Variants in THSD7B observed in about 807,000 individuals in gnomAD.
THSD7B encodes the protein thrombospondin type 1 domain containing 7B.
Under a neutral mutation model 213.6 loss-of-function variants are expected in THSD7B, and 138 were observed. The observed-to-expected ratio is 0.65, with a 90% CI of 0.56 to 0.74. The LOEUF (loss-of-function observed/expected upper bound fraction) is 0.74. THSD7B is among the 30% of genes least tolerant of loss of function. The probability of loss-of-function intolerance (pLI) is 0.00; values close to 1 mark genes in which losing one functional copy is unlikely to be tolerated. For synonymous variants in THSD7B, 742 were observed against 687.0 expected, an observed-to-expected ratio of 1.08 and a Z score of -1.25; for missense variants, 1,931 against 1,991.5, an observed-to-expected ratio of 0.97 and a Z score of 0.58.
intron 8 of THSD7B, among the ~76,000 whole-genome samples, chr2:137,232,378 G>C (rs1387142553): frequency 6.6e-6 from 1 of 152,048 alleles, no homozygotes; most frequent in Non-Finnish European, 1.5e-5. Flanking sequence ...GATATTTCTG[G>C]ATTTCTCAAA....
At chr2:136,979,223 A>ATT (rs35436994) in intron 2 of THSD7B, among the ~76,000 whole-genome samples, 2 of 144,088 alleles carry the variant, frequency 1.4e-5, no homozygotes, top group African/African-American at 5.1e-5. Flanking sequence ...TGCCCTTAAC[A>ATT]TTTTTTTTTT....
chr2:137,111,734 G>A (rs1174870541), intron 4 of THSD7B, among the ~76,000 whole-genome samples: 1 of 152,136 alleles, frequency 6.6e-6, no homozygotes, highest in East Asian at 1.9e-4. Context: ...TGTTTAGCCA[G>A]ACACTTTGAA....
chr2:136,991,026 A>T (rs1685771578), intron 2 of THSD7B: 1 of 1,059,596 alleles, frequency 9.4e-7, no homozygotes, highest in African/African-American at 1.7e-5. Flanking sequence ...TCCCCAAAAA[A>T]GGAGAAAGAA....
At chr2:137,249,553 T>C (rs148863816) in intron 10 of THSD7B, among the ~76,000 whole-genome samples, 97 of 152,354 alleles carry the variant, frequency 6.4e-4, no homozygotes, top group African/African-American at 2.3e-3. Flanking sequence ...TAGAGATTGA[T>C]GTATATTTAG....
chr2:136,880,697 G>A (rs543071849), intron 1 of THSD7B, among the ~76,000 whole-genome samples: 8 of 152,028 alleles, frequency 5.3e-5, no homozygotes, highest in East Asian at 3.9e-4. Context: ...TAACCAGATC[G>A]TTTAAATCCA....
At chr2:137,473,777 A>G (rs924772412) in intron 15 of THSD7B, among the ~76,000 whole-genome samples, 4 of 152,202 alleles carry the variant, frequency 2.6e-5, no homozygotes, top group African/African-American at 7.2e-5. Context: ...TTAAAAAGCA[A>G]AGACATCTGC....
chr2:137,092,895 C>T (rs1175643597), intron 3 of THSD7B, among the ~76,000 whole-genome samples: 1 of 152,218 alleles, frequency 6.6e-6, no homozygotes, highest in East Asian at 1.9e-4. Flanking sequence ...GCCTTGGCCT[C>T]CCAAAGTGTT....
chr2:137,151,635 C>T (rs1296821221), intron 5 of THSD7B, among the ~76,000 whole-genome samples: 1 of 151,996 alleles, frequency 6.6e-6, no homozygotes, highest in Non-Finnish European at 1.5e-5. Flanking sequence ...AGAAGGAGTA[C>T]ACTCTAACAA....
At chr2:137,014,620 G>T (rs1393235955) in intron 2 of THSD7B, among the ~76,000 whole-genome samples, 1 of 152,210 alleles carries the variant, frequency 6.6e-6, no homozygotes, top group African/African-American at 2.4e-5. Context: ...TTAGTCAGGA[G>T]CCCCAATTCA....
At chr2:137,099,566 C>A (rs151118043) in intron 4 of THSD7B, among the ~76,000 whole-genome samples, 8 of 152,296 alleles carry the variant, frequency 5.3e-5, no homozygotes, top group African/African-American at 1.9e-4. Context: ...AAAACATCAG[C>A]TGCAAACATC....
intron 1 of THSD7B, among the ~76,000 whole-genome samples, chr2:136,782,023 G>A (rs544701621): frequency 2.6e-5 from 4 of 152,302 alleles, no homozygotes; most frequent in African/African-American, 4.8e-5. Flanking sequence ...ATAGTGACAC[G>A]TAAAATAAAA....
intron 1 of THSD7B, among the ~76,000 whole-genome samples, chr2:136,823,023 G>A (rs1682590699): frequency 6.6e-6 from 1 of 152,200 alleles, no homozygotes; most frequent in Admixed American, 6.5e-5. Flanking sequence ...ATAAGCACCT[G>A]TTTTATACTT....
At chr2:136,982,314 T>A (rs34328002) in intron 2 of THSD7B, among the ~76,000 whole-genome samples, 149,793 of 151,934 alleles carry the variant, frequency 0.99, 73,879 homozygotes, top group Middle Eastern at 1. Flanking sequence ...TGTGAGCAAA[T>A]TGTACTTTTT....
At chr2:137,367,936 G>C (rs533181269) in intron 12 of THSD7B, among the ~76,000 whole-genome samples, 2 of 152,134 alleles carry the variant, frequency 1.3e-5, no homozygotes, top group South Asian at 2.1e-4. Flanking sequence ...CCGTCACTTG[G>C]GGTTTAGGGA....
intron 7 of THSD7B, among the ~76,000 whole-genome samples, chr2:137,221,368 G>A (rs1681367417): frequency 6.6e-6 from 1 of 152,160 alleles, no homozygotes; most frequent in Admixed American, 6.5e-5. Context: ...CTCAAGGGAA[G>A]TTTTTAGTGG....
At chr2:137,620,172 G>A (rs1234345437) in intron 19 of THSD7B, among the ~76,000 whole-genome samples, 1 of 152,158 alleles carries the variant, frequency 6.6e-6, no homozygotes, top group Non-Finnish European at 1.5e-5. Flanking sequence ...CACTTTAGAT[G>A]GGTTGCTGAT....
chr2:137,587,319 G>T (rs1681756481), intron 17 of THSD7B, among the ~76,000 whole-genome samples: 1 of 152,140 alleles, frequency 6.6e-6, no homozygotes, highest in East Asian at 1.9e-4. Context: ...GTTGTCTGAA[G>T]CCTTCTTCTG....
chr2:136,834,663 TG>T (rs1316530253), intron 1 of THSD7B, among the ~76,000 whole-genome samples: 3 of 152,104 alleles, frequency 2.0e-5, no homozygotes, highest in Admixed American at 6.5e-5. Flanking sequence ...AATTGTGAAA[TG>T]CTTTGACTCC....
intron 17 of THSD7B, among the ~76,000 whole-genome samples, chr2:137,580,506 C>A (rs2105244810): frequency 6.6e-6 from 1 of 152,262 alleles, no homozygotes; most frequent in South Asian, 2.1e-4. Flanking sequence ...ACAATAATGA[C>A]TTTTACCTAT....
Sources: allele counts gnomAD v4.1 joint callset (sites outside exome capture counted in the v4.1 genomes callset), GRCh38; gene constraint gnomAD v4.1.1; transcripts MANE v1.5; gene names NCBI Gene and HGNC (gene_info 2026-07-23, HGNC 2026-07-21).